Variants in HTATIP2 observed in about 807,000 individuals in gnomAD.
HTATIP2 encodes HIV-1 Tat interactive protein 2, also known as protein HTATIP2.
A neutral mutation model predicts 24.7 loss-of-function variants in HTATIP2; 26 were observed. The observed-to-expected ratio is 1.05, with a 90% CI of 0.77 to 1.46. HTATIP2 has a LOEUF of 1.46. Ranked by LOEUF, HTATIP2 falls within the 40% of genes most tolerant of loss-of-function variation. HTATIP2 has a pLI of 0.00. For synonymous variants in HTATIP2, 99 were observed against 113.2 expected, an observed-to-expected ratio of 0.87 and a Z score of 0.79; for missense variants, 284 against 289.6, an observed-to-expected ratio of 0.98 and a Z score of 0.14.
Position 20,374,842 on chromosome 11 carries a change from T to G in HTATIP2, c.304-1738T>G, listed in dbSNP as rs77441503. 4.8e-4 allele frequency among the ~76,000 whole-genome samples: 73 copies of G among 152,316 alleles called. No individual in the cohort carries two copies. The East Asian group carries it at 0.013, about 28-fold the overall frequency. Reference sequence around the variant, plus strand: ...TGACTGGTGAAATAAATTCAGTTTTTTTGTTGTTGTTGTTTTAGCATGATT... The same window carrying G: ...TGACTGGTGAAATAAATTCAGTTTTGTTGTTGTTGTTGTTTTAGCATGATT... On this transcript the variant is annotated intron_variant, in intron 2 of 4. Coordinates refer to ENST00000451739, the MANE Select transcript of HTATIP2 (RefSeq NM_001098522.2).
intron 2 of HTATIP2, among the ~76,000 whole-genome samples, chr11:20,368,982 G>T (rs2064742767): frequency 6.6e-6 from 1 of 152,154 alleles, no homozygotes; most frequent in African/African-American, 2.4e-5. Context: ...GCTTAGAAAT[G>T]AATTAGGACT....
At chr11:20,367,545 T>C (rs1318105633) in intron 2 of HTATIP2, 1 of 1,426,470 alleles carries the variant, frequency 7.0e-7, no homozygotes, top group African/African-American at 1.4e-5. Context: ...TGATTATCGC[T>C]ATCACTACAT....
At chr11:20,371,433 G>C (rs953958552) in intron 2 of HTATIP2, among the ~76,000 whole-genome samples, 1 of 152,110 alleles carries the variant, frequency 6.6e-6, no homozygotes, top group Admixed American at 6.5e-5. Context: ...TTTTGAGACA[G>C]AGTCTCATTC....
intron 2 of HTATIP2, among the ~76,000 whole-genome samples, chr11:20,373,992 A>T (rs1848404373): frequency 6.6e-6 from 1 of 152,202 alleles, no homozygotes; most frequent in South Asian, 2.1e-4. Flanking sequence ...ATACAAAAGG[A>T]GATGGTGATG....
chr11:20,374,916 A>C (rs1848420142), intron 2 of HTATIP2, among the ~76,000 whole-genome samples: 1 of 152,130 alleles, frequency 6.6e-6, no homozygotes, highest in South Asian at 2.1e-4. Flanking sequence ...CCCCCTTGTC[A>C]TGTAACATGA....
rs556761289 is a variant in HTATIP2 at position 20,381,287 on chromosome 11, A to C, written c.442-891A>C. 3.3e-5 allele frequency among the ~76,000 whole-genome samples: 5 copies of C among 152,160 alleles called. No homozygotes were observed. The East Asian group carries it at 9.7e-4, about 30-fold the overall frequency. On this transcript the variant is annotated intron_variant, in intron 3 of 4. Coordinates refer to ENST00000451739, the MANE Select transcript of HTATIP2 (RefSeq NM_001098522.2). The stretch of plus-strand genomic sequence containing the variant: ...CAACCCCGTCACTACTAAAAATACA[A>C]AAATTAGCCAGGCATAATGGCGGAT...
At chr11:20,381,400 C>T (rs1486032979) in intron 3 of HTATIP2, among the ~76,000 whole-genome samples, 3 of 151,900 alleles carry the variant, frequency 2.0e-5, no homozygotes, top group Non-Finnish European at 2.9e-5. Context: ...AGATCATGCC[C>T]TTGCACTTCA....
Position 20,379,886 on chromosome 11 carries a change from A to G in HTATIP2, c.442-2292A>G, listed in dbSNP as rs79890004. Among the ~76,000 whole-genome samples the G allele has an allele frequency of 0.022, 3,390 of 152,318 alleles. 300 individuals are homozygous for G. In the East Asian group the frequency reaches 0.29, roughly 13 times the overall value. ...GAAGGTTTCATAGGACTCAGCATATAGTCATACTCACAGCTACAACTTATC... is the reference window on the plus strand; with the variant it reads ...GAAGGTTTCATAGGACTCAGCATATGGTCATACTCACAGCTACAACTTATC... On this transcript the variant is annotated intron_variant, in intron 3 of 4. Coordinates refer to ENST00000451739, the MANE Select transcript of HTATIP2 (RefSeq NM_001098522.2).
In HTATIP2 at chr11:20,383,615, T is replaced by C. The variant is rs916848465; in HGVS notation, c.*410T>C. The C allele has an allele frequency of 5.8e-6, 1 of 172,852 alleles. No individual in the cohort carries two copies. Among genetic ancestry groups the C allele is most frequent in the African/African-American group, 2.4e-5 (1 of 41,886 alleles). The allele number at this position is 172,852 out of a possible 1,614,324, so 10.7% of individuals were successfully genotyped here. Reference sequence around the variant, plus strand: ...GTGCAAATGAGCTCTGCTCTAAAATTGTTGACATTCATGTCTCTGAGTTAC... The same window carrying C: ...GTGCAAATGAGCTCTGCTCTAAAATCGTTGACATTCATGTCTCTGAGTTAC... On this transcript the variant is annotated 3_prime_UTR_variant, in exon 5 of 5. Transcript: ENST00000451739.
At chr11:20,368,536 CCTG>C (rs1487474954) in intron 2 of HTATIP2, among the ~76,000 whole-genome samples, 2 of 152,204 alleles carry the variant, frequency 1.3e-5, no homozygotes, top group African/African-American at 4.8e-5. Flanking sequence ...GGGTCATGTT[CCTG>C]CTTAACAGTG....
chr11:20,375,289 A>C (rs1848428958), intron 2 of HTATIP2, among the ~76,000 whole-genome samples: 1 of 152,144 alleles, frequency 6.6e-6, no homozygotes, highest in Non-Finnish European at 1.5e-5. Context: ...AAAAAAAATC[A>C]GGCCGGGCGC....
chr11:20,363,756 G>T lies in HTATIP2; in HGVS notation c.-482G>T. 1 of 1,236,390 alleles carries T rather than the reference G, an allele frequency of 8.1e-7. No individual in the cohort carries two copies. 76.6% of individuals were successfully genotyped at this position (1,236,390 alleles called of 1,614,324 possible). On this transcript the variant is annotated 5_prime_UTR_variant, in exon 1 of 5. Transcript: ENST00000451739. ...ACCCGGAAGACCAAGCCGGGTAGGCGCTGTCTCCGTCGCCTCCAACCCCCC... is the reference window on the plus strand; with the variant it reads ...ACCCGGAAGACCAAGCCGGGTAGGCTCTGTCTCCGTCGCCTCCAACCCCCC...
chr11:20,381,589 G>A (rs2133280278), intron 3 of HTATIP2, among the ~76,000 whole-genome samples: 1 of 152,308 alleles, frequency 6.6e-6, no homozygotes, highest in East Asian at 1.9e-4. Context: ...AGGCGTGCAT[G>A]ACCGTGTGGT....
At chr11:20,376,540 G>C (rs1200296899) in intron 2 of HTATIP2, 40 bp from the exon 3 acceptor site, 1 of 1,611,948 alleles carries the variant, frequency 6.2e-7, no homozygotes, top group Non-Finnish European at 8.5e-7. Flanking sequence ...AGATGAACTT[G>C]CTGCTTTTTG....
At position 20,383,303 on chromosome 11, in the gene HTATIP2, G is replaced by GT. The variant is rs1475642758; in HGVS notation, c.*102dup. ...AAAGTCAGCATGTTTTAACTTTGTT[G>GT]TTTTACTATCCTCAGGCATCCATTC... On this transcript the variant is annotated 3_prime_UTR_variant, in exon 5 of 5. Coordinates refer to ENST00000451739, the MANE Select transcript of HTATIP2 (RefSeq NM_001098522.2). 1.2e-6 allele frequency: 1 copy of GT among 858,658 alleles called. No homozygotes were observed. Among genetic ancestry groups the GT allele is most frequent in the Admixed American group, 2.4e-5 (1 of 41,838 alleles). 53.2% of individuals were successfully genotyped at this position (858,658 alleles called of 1,614,324 possible).
At chr11:20,370,963 G>C (rs1249793915) in intron 2 of HTATIP2, among the ~76,000 whole-genome samples, 1 of 152,086 alleles carries the variant, frequency 6.6e-6, no homozygotes, top group Non-Finnish European at 1.5e-5. Context: ...TTTTTAACTG[G>C]TTAAAAAATT....
At chr11:20,382,850 T>G (rs373834482) in intron 4 of HTATIP2, 130 bp from the exon 5 acceptor site, 23 of 23,004 alleles carry the variant, frequency 1.0e-3, no homozygotes, top group Admixed American at 2.2e-3. Context: ...TATAGACACC[T>G]TGGGGATTAG....
chr11:20,382,796 A>T (rs1243823427), intron 4 of HTATIP2, among the ~76,000 whole-genome samples, 184 bp from the exon 5 acceptor site: 1 of 150,814 alleles, frequency 6.6e-6, no homozygotes, highest in East Asian at 1.9e-4. Context: ...CATCCTTAAG[A>T]CCTCATTAAA....
At chr11:20,382,908 C>A in intron 4 of HTATIP2, 72 bp from the exon 5 acceptor site, 1 of 1,090,576 alleles carries the variant, frequency 9.2e-7, no homozygotes, top group Non-Finnish European at 1.3e-6. Flanking sequence ...TCCGTAATGC[C>A]CACTGTGGTC....
Sources: allele counts gnomAD v4.1 joint callset (sites outside exome capture counted in the v4.1 genomes callset), GRCh38; gene constraint gnomAD v4.1.1; transcripts MANE v1.5; gene names NCBI Gene and HGNC (gene_info 2026-07-23, HGNC 2026-07-21).